The following NTNG1 variants were observed in gnomAD, a reference collection of about 807,000 sequenced individuals.
NTNG1 encodes the protein netrin-G1.
Under a neutral mutation model 54.0 loss-of-function variants are expected in NTNG1, and 16 were observed. The ratio of observed to expected loss-of-function variants is 0.30; its 90% confidence interval spans 0.20 to 0.45. The LOEUF (loss-of-function observed/expected upper bound fraction) is 0.45. NTNG1 is among the 20% of genes least tolerant of loss of function. The pLI is 1.00. For missense variants in NTNG1, 530 were observed against 678.7 expected, an observed-to-expected ratio of 0.78 and a Z score of 2.43; for synonymous variants, 255 against 263.1, an observed-to-expected ratio of 0.97 and a Z score of 0.30.
chr1:107,209,499 G>A (rs1375249241), intron 2 of NTNG1, among the ~76,000 whole-genome samples: 1 of 152,094 alleles, frequency 6.6e-6, no homozygotes, highest in Non-Finnish European at 1.5e-5. Flanking sequence ...TTCTTGCATT[G>A]GCTACTGCTT....
At chr1:107,440,633 G>A (rs943136734) in intron 7 of NTNG1, among the ~76,000 whole-genome samples, 4 of 152,166 alleles carry the variant, frequency 2.6e-5, no homozygotes. Context: ...AAGCTTTCGT[G>A]CAATGTTACT....
In NTNG1 at chr1:107,313,958, A is replaced by G. The variant is rs563774941; in HGVS notation, c.247-10324A>G. ...AGCCCTTTGTTTCCCCACAGTAGACATGATATTCTTTCTTATCATAAATAA... is the reference window on the plus strand; with the variant it reads ...AGCCCTTTGTTTCCCCACAGTAGACGTGATATTCTTTCTTATCATAAATAA... On this transcript the variant is annotated intron_variant, in intron 2 of 7. Transcript: ENST00000370068. Among the ~76,000 whole-genome samples the G allele has an allele frequency of 2.8e-3, 427 of 152,308 alleles. 1 individual carries two copies. Among genetic ancestry groups the G allele is most frequent in the Non-Finnish European group, 4.6e-3 (316 of 68,016 alleles).
intron 2 of NTNG1, among the ~76,000 whole-genome samples, chr1:107,274,092 C>A (rs1664320796): frequency 6.6e-6 from 1 of 152,124 alleles, no homozygotes. Context: ...GTATAATAAC[C>A]CATTAAAGTG....
In NTNG1 at chr1:107,430,826, A is replaced by C; in HGVS notation, c.1164A>C (p.Lys388Asn). 6.2e-7 allele frequency: 1 copy of C among 1,613,322 alleles called. No homozygotes were observed. The highest frequency in any genetic ancestry group is 8.5e-7 in the Non-Finnish European group (1 of 1,179,630). The change falls in exon 6 of 8, where the codon AAA becomes AAC. Residue 388 changes from lysine to asparagine, a missense_variant. Physicochemically the swap from Lys to Asn is moderately conservative, Grantham distance 94 (BLOSUM62 0). Coordinates refer to ENST00000370068, the MANE Select transcript of NTNG1 (RefSeq NM_001113226.3). ...ATACAGTCATTTGCGTGAGCTGTAA[A>C]CACAACACTAGAGGGCAGCACTGTG... ...LLNTVICVSC[K>N]HNTRGQHCEL... is the part of the protein sequence containing the mutation.
chr1:107,396,861 C>T (rs544696126), intron 4 of NTNG1, among the ~76,000 whole-genome samples: 102 of 152,280 alleles, frequency 6.7e-4, no homozygotes, highest in African/African-American at 2.3e-3. Flanking sequence ...CTTGCCAAGA[C>T]CACTGGAGAG....
At chr1:107,192,522 T>G (rs1039947981) in intron 2 of NTNG1, among the ~76,000 whole-genome samples, 3 of 152,034 alleles carry the variant, frequency 2.0e-5, no homozygotes, top group East Asian at 3.9e-4. Flanking sequence ...TATCTGGAGA[T>G]TCTTTGCCAG....
At chr1:107,252,171 G>A (rs943606951) in intron 2 of NTNG1, among the ~76,000 whole-genome samples, 2 of 152,150 alleles carry the variant, frequency 1.3e-5, no homozygotes, top group African/African-American at 2.4e-5. Flanking sequence ...TATACATTTT[G>A]TCTATTATTA....
At chr1:107,311,609 C>T (rs182217174) in intron 2 of NTNG1, among the ~76,000 whole-genome samples, 6 of 152,186 alleles carry the variant, frequency 3.9e-5, no homozygotes, top group African/African-American at 1.4e-4. Context: ...TTGATTATGT[C>T]AATTCCCAGT....
intron 3 of NTNG1, among the ~76,000 whole-genome samples, chr1:107,365,920 C>T (rs1408371675): frequency 6.6e-6 from 1 of 152,138 alleles, no homozygotes; most frequent in African/African-American, 2.4e-5. Flanking sequence ...TAAACAATTC[C>T]ACAGAAACTC....
intron 3 of NTNG1, among the ~76,000 whole-genome samples, chr1:107,378,217 G>C (rs1294576710): frequency 6.6e-6 from 1 of 152,182 alleles, no homozygotes; most frequent in African/African-American, 2.4e-5. Flanking sequence ...CCAGGTTCAT[G>C]AGGAACTCCT....
intron 2 of NTNG1, among the ~76,000 whole-genome samples, chr1:107,320,330 A>G (rs1032673537): frequency 1.3e-5 from 2 of 152,160 alleles, no homozygotes; most frequent in East Asian, 1.9e-4. Context: ...GCTGGCCACA[A>G]AATAATTACT....
intron 4 of NTNG1, among the ~76,000 whole-genome samples, chr1:107,399,304 G>A (rs1672876267): frequency 1.3e-5 from 2 of 152,158 alleles, no homozygotes; most frequent in African/African-American, 2.4e-5. Context: ...GAAATGTCAT[G>A]GAGATAGACA....
intron 5 of NTNG1, among the ~76,000 whole-genome samples, chr1:107,411,008 C>T (rs545162990): frequency 2.6e-4 from 39 of 152,064 alleles, no homozygotes; most frequent in Admixed American, 1.3e-4. Context: ...AAGACCATTT[C>T]GAACTCTTGG....
At chr1:107,298,181 C>T (rs1358496179) in intron 2 of NTNG1, among the ~76,000 whole-genome samples, 2 of 152,078 alleles carry the variant, frequency 1.3e-5, no homozygotes, top group East Asian at 1.9e-4. Context: ...GATAAAAAGA[C>T]CCCAAAATAT....
chr1:107,188,166 C>T (rs1383037628), intron 2 of NTNG1, among the ~76,000 whole-genome samples: 1 of 151,496 alleles, frequency 6.6e-6, no homozygotes, highest in Admixed American at 6.6e-5. Flanking sequence ...ATCAACAGTT[C>T]CGTAGTCCTG....
chr1:107,296,719 TC>T (rs1343199054), intron 2 of NTNG1, among the ~76,000 whole-genome samples: 1 of 148,062 alleles, frequency 6.8e-6, no homozygotes, highest in Non-Finnish European at 1.5e-5. Flanking sequence ...TTAATATAAT[TC>T]CAGTTATATA....
chr1:107,285,844 A>C (rs1665159148), intron 2 of NTNG1, among the ~76,000 whole-genome samples: 1 of 152,174 alleles, frequency 6.6e-6, no homozygotes, highest in Non-Finnish European at 1.5e-5. Context: ...CTCAAGTTGC[A>C]GGAGGGGGAA....
intron 3 of NTNG1, among the ~76,000 whole-genome samples, chr1:107,361,230 TAAAC>T (rs953262503): frequency 1.4e-5 from 2 of 141,520 alleles, no homozygotes; most frequent in African/African-American, 5.2e-5. Context: ...ATATATAAAA[TAAAC>T]ATATAAATTA....
At chr1:107,321,734 A>C (rs1349487617) in intron 2 of NTNG1, among the ~76,000 whole-genome samples, 1 of 152,138 alleles carries the variant, frequency 6.6e-6, no homozygotes, top group East Asian at 1.9e-4. Context: ...GGACTCTCCA[A>C]GACAAGAAGA....
Sources: allele counts gnomAD v4.1 joint callset (sites outside exome capture counted in the v4.1 genomes callset), GRCh38; gene constraint gnomAD v4.1.1; transcripts MANE v1.5; gene names NCBI Gene and HGNC (gene_info 2026-07-23, HGNC 2026-07-21).